RBMS2: variants seen among roughly 807,000 people sequenced by gnomAD.
RBMS2 encodes the protein RNA binding motif single stranded interacting protein 2.
In RBMS2, 38 loss-of-function variants were observed where a neutral mutation model predicts 58.4. That is an observed-to-expected ratio of 0.65 (90% CI 0.50 to 0.85). RBMS2 has a LOEUF of 0.85. RBMS2 is among the 40% of genes least tolerant of loss of function. The pLI is 0.00. For missense variants in RBMS2, 367 were observed against 503.7 expected (o/e 0.73, Z 2.60); for synonymous variants, 151 against 180.7 (o/e 0.84, Z 1.32).
upstream of RBMS2, among the ~76,000 whole-genome samples, chr12:56,521,427 C>A (rs201641813): frequency 8.9e-3 from 813 of 90,896 alleles, no homozygotes; most frequent in Middle Eastern, 0.014. Flanking sequence ...AACTCTGTCT[C>A]AAAAAAAAAA....
intron 1 of RBMS2, among the ~76,000 whole-genome samples, chr12:56,525,661 T>A (rs956683345): frequency 4.0e-5 from 6 of 151,434 alleles, no homozygotes; most frequent in African/African-American, 1.5e-4. Flanking sequence ...TATATATAAC[T>A]TTTTTGTTGT....
Position 56,589,198 on chromosome 12 carries a change from A to G in RBMS2, c.*65A>G, listed in dbSNP as rs777896369. 2.0e-6 allele frequency: 3 copies of G among 1,520,480 alleles called. No homozygotes were observed. In the Admixed American group the frequency reaches 6.0e-5, roughly 30 times the overall value. 94.2% of individuals were successfully genotyped at this position (1,520,480 alleles called of 1,614,324 possible). On this transcript the variant is annotated 3_prime_UTR_variant, in exon 14 of 14. Transcript: ENST00000262031. ...AATTCTTGGAGATACTCATGCTCCC[A>G]GATTCCAGAGGGTTAACCAGGAATG... is the stretch of plus-strand genomic sequence containing the variant.
chr12:56,583,695 T>C (rs1451413213), intron 9 of RBMS2, among the ~76,000 whole-genome samples: 2 of 152,152 alleles, frequency 1.3e-5, no homozygotes, highest in Non-Finnish European at 2.9e-5. Context: ...TTGATGAATG[T>C]AAAGTACATC....
chr12:56,569,859 C>T (rs903041544), intron 3 of RBMS2, 40 bp from the exon 4 acceptor site: 10 of 1,530,140 alleles, frequency 6.5e-6, no homozygotes, highest in South Asian at 2.2e-5. Context: ...CTGTTCCTTA[C>T]ACCTCCCACT....
chr12:56,586,463 G>A (rs1884685228), intron 9 of RBMS2, among the ~76,000 whole-genome samples: 3 of 152,120 alleles, frequency 2.0e-5, no homozygotes, highest in African/African-American at 7.2e-5. Flanking sequence ...TAGGTATGAA[G>A]TGGTATCCCA....
chr12:56,532,921 T>G (rs1168168048), intron 1 of RBMS2, among the ~76,000 whole-genome samples: 1 of 150,214 alleles, frequency 6.7e-6, no homozygotes, highest in Non-Finnish European at 1.5e-5. Flanking sequence ...ACTCTCTTGC[T>G]TTTTATTTTA....
At chr12:56,535,927 T>A (rs576425295) in intron 1 of RBMS2, among the ~76,000 whole-genome samples, 21 of 152,186 alleles carry the variant, frequency 1.4e-4, no homozygotes, top group South Asian at 8.3e-4. Flanking sequence ...CCTGGTGTGG[T>A]GGCTAACACC....
intron 2 of RBMS2, among the ~76,000 whole-genome samples, chr12:56,566,652 T>C (rs1268007269): frequency 6.6e-6 from 1 of 152,102 alleles, no homozygotes; most frequent in East Asian, 1.9e-4. Context: ...ACACCATCTC[T>C]ACTAAAAAAT....
intron 5 of RBMS2, among the ~76,000 whole-genome samples, chr12:56,575,729 T>A (rs1883028074): frequency 6.6e-6 from 1 of 151,400 alleles, no homozygotes; most frequent in Non-Finnish European, 1.5e-5. Context: ...ACCCCGTCTC[T>A]ACTAAAAATG....
chr12:56,525,714 T>A (rs970380656), intron 1 of RBMS2, among the ~76,000 whole-genome samples: 1 of 151,884 alleles, frequency 6.6e-6, no homozygotes, highest in Non-Finnish European at 1.5e-5. Context: ...CAGGCTGGAG[T>A]GCAGTGGGGC....
chr12:56,574,141 A>C (rs1002322192), intron 5 of RBMS2, among the ~76,000 whole-genome samples: 1 of 152,158 alleles, frequency 6.6e-6, no homozygotes, highest in African/African-American at 2.4e-5. Context: ...GCGCCCAGCC[A>C]GTCCACACAA....
At chr12:56,574,089 C>T (rs1592471037) in intron 5 of RBMS2, among the ~76,000 whole-genome samples, 1 of 152,324 alleles carries the variant, frequency 6.6e-6, no homozygotes, top group East Asian at 1.9e-4. Flanking sequence ...TATCCAGCCG[C>T]CTCAGCCTCC....
chr12:56,586,139 T>G (rs1316923541), intron 9 of RBMS2, among the ~76,000 whole-genome samples: 1 of 152,040 alleles, frequency 6.6e-6, no homozygotes, highest in Non-Finnish European at 1.5e-5. Context: ...CCATCCTGGC[T>G]AACACGGTGA....
At chr12:56,522,748 G>A (rs752583441) in intron 1 of RBMS2, among the ~76,000 whole-genome samples, 12 of 152,140 alleles carry the variant, frequency 7.9e-5, no homozygotes, top group Non-Finnish European at 1.6e-4. Flanking sequence ...GTGATCCTAG[G>A]AGTCTTTATG....
At chr12:56,539,077 G>A (rs1239061935) in intron 1 of RBMS2, among the ~76,000 whole-genome samples, 1 of 150,068 alleles carries the variant, frequency 6.7e-6, no homozygotes, top group Non-Finnish European at 1.5e-5. Context: ...GTGCGGTGGC[G>A]CAATCTCGGC....
intron 1 of RBMS2, among the ~76,000 whole-genome samples, chr12:56,546,838 T>G (rs971831484): frequency 5.3e-5 from 8 of 152,148 alleles, no homozygotes; most frequent in African/African-American, 1.9e-4. Flanking sequence ...ACATGGTAAC[T>G]TTATGCTTTA....
chr12:56,562,702 C>T, intron 2 of RBMS2, 119 bp downstream of exon 2: 5 of 1,159,394 alleles, frequency 4.3e-6, no homozygotes, highest in Non-Finnish European at 2.5e-6. Flanking sequence ...ATCCTCCTGT[C>T]TCAGTAGCTG....
intron 1 of RBMS2, among the ~76,000 whole-genome samples, chr12:56,541,340 A>G (rs954905846): frequency 6.6e-6 from 1 of 152,166 alleles, no homozygotes; most frequent in Non-Finnish European, 1.5e-5. Flanking sequence ...TAGGAATGAA[A>G]TTGATTTACT....
chr12:56,547,556 T>C (rs540623690), intron 1 of RBMS2, among the ~76,000 whole-genome samples: 1 of 152,214 alleles, frequency 6.6e-6, no homozygotes, highest in Admixed American at 6.6e-5. Flanking sequence ...GGCCCAAGTG[T>C]CTTTTTTGAG....
Sources: gnomAD v4.1 joint callset for allele counts (sites outside exome capture counted in the v4.1 genomes callset) on GRCh38, gnomAD v4.1.1 for gene constraint, MANE v1.5 for transcripts, NCBI Gene and HGNC (gene_info 2026-07-23, HGNC 2026-07-21) for gene names.